ABCD3: variants seen among roughly 807,000 people sequenced by gnomAD.
ABCD3 encodes ATP-binding cassette sub-family D member 3.
Under a neutral mutation model 105.5 loss-of-function variants are expected in ABCD3, and 41 were observed. That is an observed-to-expected ratio of 0.39 (90% CI 0.30 to 0.50). The LOEUF is 0.50. Among genes scored for constraint, ABCD3 ranks in the 20% least tolerant of loss-of-function variants. ABCD3 has a pLI of 0.84. For synonymous variants in ABCD3, 258 were observed against 269.0 expected (o/e 0.96, Z 0.40); for missense variants, 622 against 806.3 (o/e 0.77, Z 2.77).
chr1:94,444,704 C>T (rs989580136), intron 1 of ABCD3, among the ~76,000 whole-genome samples: 4 of 152,160 alleles, frequency 2.6e-5, no homozygotes, highest in East Asian at 1.9e-4. Context: ...GTGGTTTCAG[C>T]GATTATCTTT....
chr1:94,425,393 G>A (rs1033891888), intron 1 of ABCD3, among the ~76,000 whole-genome samples: 4 of 151,998 alleles, frequency 2.6e-5, no homozygotes, highest in African/African-American at 9.7e-5. Flanking sequence ...AAAGAAATAC[G>A]TAAATATTCC....
At chr1:94,499,658 C>T (rs1488910519) in intron 20 of ABCD3, 44 bp downstream of exon 20, 1 of 1,610,332 alleles carries the variant, frequency 6.2e-7, no homozygotes, top group South Asian at 1.1e-5. Flanking sequence ...CAACTGGTTC[C>T]AGCATTTTGA....
At chr1:94,454,087 G>T (rs1476944915) in intron 1 of ABCD3, among the ~76,000 whole-genome samples, 5 of 151,760 alleles carry the variant, frequency 3.3e-5, no homozygotes, top group African/African-American at 4.8e-5. Context: ...TATTCAGTAT[G>T]TATATACATA....
intron 21 of ABCD3, among the ~76,000 whole-genome samples, chr1:94,507,405 G>A (rs1300807931): frequency 1.3e-5 from 2 of 152,142 alleles, no homozygotes; most frequent in African/African-American, 4.8e-5. Context: ...GGACATTTGG[G>A]TTGGTTCCAA....
chr1:94,418,911 C>T, intron 1 of ABCD3: 1 of 432,334 alleles, frequency 2.3e-6, no homozygotes, highest in Non-Finnish European at 4.2e-6. Flanking sequence ...GTGTCCCCCA[C>T]CCCCTTCCCT....
intron 7 of ABCD3, among the ~76,000 whole-genome samples, chr1:94,477,784 T>C (rs1301653398): frequency 6.6e-6 from 1 of 152,202 alleles, no homozygotes; most frequent in Non-Finnish European, 1.5e-5. Flanking sequence ...GCTTACTTGA[T>C]TATTTTGCCA....
intron 1 of ABCD3, among the ~76,000 whole-genome samples, chr1:94,442,242 CAATTGCTAT>C (rs902248059): frequency 7.9e-5 from 12 of 152,100 alleles, no homozygotes; most frequent in Admixed American, 1.3e-4. Context: ...AAATACTGTG[CAATTGCTAT>C]AAGCCGTTTT....
At chr1:94,407,201 A>G in the ABCD3 span, among the ~76,000 whole-genome samples, 1 of 152,144 alleles carries the variant, frequency 6.6e-6, no homozygotes, top group Non-Finnish European at 1.5e-5. Context: ...CCCAGGCTAG[A>G]GTGCAATGGC....
At chr1:94,398,757 C>T in the ABCD3 span, among the ~76,000 whole-genome samples, 1 of 151,890 alleles carries the variant, frequency 6.6e-6, no homozygotes, top group Non-Finnish European at 1.5e-5. Context: ...ACTAAAAATG[C>T]AAAAAAATTA....
chr1:94,440,166 T>A (rs1483013652), intron 1 of ABCD3, among the ~76,000 whole-genome samples: 1 of 152,252 alleles, frequency 6.6e-6, no homozygotes, highest in Non-Finnish European at 1.5e-5. Context: ...TTTCTTATAA[T>A]GTTGTAAAAG....
intron 1 of ABCD3, among the ~76,000 whole-genome samples, chr1:94,434,877 A>G (rs1330333369): frequency 6.6e-6 from 1 of 152,156 alleles, no homozygotes; most frequent in Non-Finnish European, 1.5e-5. Context: ...CCTAAAAGTA[A>G]TTGCTATCCT....
chr1:94,430,695 G>C (rs1272150515), intron 1 of ABCD3, among the ~76,000 whole-genome samples: 7 of 152,102 alleles, frequency 4.6e-5, no homozygotes, highest in Admixed American at 4.6e-4. Context: ...AGATTGTCCA[G>C]TCTTAGGTAT....
chr1:94,510,664 C>T (rs970136191), intron 21 of ABCD3, among the ~76,000 whole-genome samples: 6 of 152,102 alleles, frequency 3.9e-5, no homozygotes, highest in African/African-American at 7.2e-5. Flanking sequence ...CTTTATGAAT[C>T]TGGGTGCTCC....
At chr1:94,393,760 G>T in the ABCD3 span, among the ~76,000 whole-genome samples, 2 of 152,102 alleles carry the variant, frequency 1.3e-5, no homozygotes. Flanking sequence ...AGAAAGAAGG[G>T]TATATCCAGG....
At chr1:94,508,716 TA>T (rs765152406) in intron 21 of ABCD3, among the ~76,000 whole-genome samples, 190 of 151,990 alleles carry the variant, frequency 1.3e-3, no homozygotes, top group Non-Finnish European at 2.4e-3. Context: ...ACATCCCTTG[TA>T]AGTTGGATTC....
chr1:94,513,540 A>G (rs1039153095), intron 21 of ABCD3: 7 of 152,206 alleles, frequency 4.6e-5, no homozygotes, highest in Middle Eastern at 3.4e-3. Flanking sequence ...ATAAACTTAC[A>G]CATTAAATAC....
chr1:94,415,681 C>T (rs1658986729), upstream of ABCD3, among the ~76,000 whole-genome samples: 1 of 152,040 alleles, frequency 6.6e-6, no homozygotes, highest in Non-Finnish European at 1.5e-5. Flanking sequence ...CAATATTCTA[C>T]ATTAATCTTA....
At chr1:94,476,944 G>T (rs553922525) in intron 7 of ABCD3, among the ~76,000 whole-genome samples, 37 of 144,880 alleles carry the variant, frequency 2.6e-4, no homozygotes, top group African/African-American at 8.8e-4. Context: ...CATGCATGGT[G>T]GGAATGGGGG....
chr1:94,454,881 A>G (rs191529732), intron 1 of ABCD3, among the ~76,000 whole-genome samples: 1 of 152,234 alleles, frequency 6.6e-6, no homozygotes, highest in East Asian at 1.9e-4. Flanking sequence ...CAAACTCCTG[A>G]CCTCAAGCGA....
Sources: gnomAD v4.1 joint callset for allele counts (sites outside exome capture counted in the v4.1 genomes callset) on GRCh38, gnomAD v4.1.1 for gene constraint, MANE v1.5 for transcripts, NCBI Gene and HGNC (gene_info 2026-07-23, HGNC 2026-07-21) for gene names.